Variants in SLC44A5 observed in about 807,000 individuals in gnomAD.
SLC44A5 encodes solute carrier family 44 member 5.
Under a neutral mutation model 101.8 loss-of-function variants are expected in SLC44A5, and 57 were observed. The ratio of observed to expected loss-of-function variants is 0.56; its 90% CI spans 0.45 to 0.70. The LOEUF (loss-of-function observed/expected upper bound fraction) is 0.70. Among genes scored for constraint, SLC44A5 ranks in the 30% least tolerant of loss-of-function variants. The pLI, the probability that SLC44A5 is intolerant of heterozygous loss-of-function variation, is 0.00. For missense variants in SLC44A5, 737 were observed against 853.1 expected (o/e 0.86, Z 1.70); for synonymous variants, 281 against 290.9 (o/e 0.97, Z 0.35).
intron 23 of SLC44A5, among the ~76,000 whole-genome samples, chr1:75,208,213 C>T (rs1646785780): frequency 6.6e-6 from 1 of 152,164 alleles, no homozygotes; most frequent in African/African-American, 2.4e-5. Context: ...GCCTGGAGTG[C>T]AGTGGCGTGA....
chr1:75,232,289 T>C (rs1647645722), intron 12 of SLC44A5, among the ~76,000 whole-genome samples: 1 of 152,162 alleles, frequency 6.6e-6, no homozygotes, highest in African/African-American at 2.4e-5. Flanking sequence ...TTCTTGCTAC[T>C]TAAGACATCA....
At chr1:75,633,305 T>C in the SLC44A5 span, among the ~76,000 whole-genome samples, 4 of 152,144 alleles carry the variant, frequency 2.6e-5, no homozygotes, top group Non-Finnish European at 4.4e-5. Flanking sequence ...ATAAATTACC[T>C]TGGGCAGTAT....
chr1:75,668,266 T>C, the SLC44A5 span, among the ~76,000 whole-genome samples: 1 of 151,196 alleles, frequency 6.6e-6, no homozygotes, highest in African/African-American at 2.4e-5. Context: ...GTTATAATTA[T>C]ATTCCTTGGG....
intron 3 of SLC44A5, among the ~76,000 whole-genome samples, chr1:75,385,657 G>A (rs940007141): frequency 2.6e-5 from 4 of 152,084 alleles, no homozygotes; most frequent in African/African-American, 9.7e-5. Context: ...CATTCCTTCT[G>A]AAATTATTCC....
At chr1:75,576,767 T>C (rs769490191) in intron 1 of SLC44A5, among the ~76,000 whole-genome samples, 9 of 152,168 alleles carry the variant, frequency 5.9e-5, no homozygotes, top group Non-Finnish European at 1.0e-4. Context: ...CTCATGGTGC[T>C]TAGAAGCAGG....
At chr1:75,404,835 C>T (rs1384838420) in intron 2 of SLC44A5, among the ~76,000 whole-genome samples, 2 of 152,178 alleles carry the variant, frequency 1.3e-5, no homozygotes, top group Non-Finnish European at 2.9e-5. Flanking sequence ...GGATCAAATT[C>T]ACACATAACA....
intron 2 of SLC44A5, among the ~76,000 whole-genome samples, chr1:75,494,270 C>A (rs987964089): frequency 4.6e-5 from 7 of 152,128 alleles, no homozygotes; most frequent in Admixed American, 2.6e-4. Context: ...TATAAATTAC[C>A]CAGTCTCAGC....
At chr1:75,632,442 C>T in the SLC44A5 span, among the ~76,000 whole-genome samples, 1 of 152,074 alleles carries the variant, frequency 6.6e-6, no homozygotes, top group Non-Finnish European at 1.5e-5. Flanking sequence ...AAGGATCATC[C>T]TGAAATGTTA....
intron 6 of SLC44A5, among the ~76,000 whole-genome samples, chr1:75,259,722 C>T (rs1033084940): frequency 1.3e-5 from 2 of 152,014 alleles, no homozygotes; most frequent in African/African-American, 4.8e-5. Flanking sequence ...ACAAGACACA[C>T]AATCATCAGA....
the SLC44A5 span, among the ~76,000 whole-genome samples, chr1:75,713,421 T>C: frequency 1.3e-5 from 2 of 152,194 alleles, no homozygotes; most frequent in Non-Finnish European, 2.9e-5. Context: ...CTCAGGAATA[T>C]ATGACTACAT....
chr1:75,325,316 C>T (rs1381271364), intron 4 of SLC44A5, among the ~76,000 whole-genome samples: 2 of 152,042 alleles, frequency 1.3e-5, no homozygotes, highest in Non-Finnish European at 2.9e-5. Flanking sequence ...TTTCTCAAGA[C>T]CTTTCTTTAA....
chr1:75,268,504 G>T (rs1429930923), intron 6 of SLC44A5, among the ~76,000 whole-genome samples: 2 of 152,048 alleles, frequency 1.3e-5, no homozygotes, highest in Non-Finnish European at 2.9e-5. Flanking sequence ...CAGGTAGCTT[G>T]TTCATTTGTT....
chr1:75,516,465 G>A (rs1049634866), intron 2 of SLC44A5, among the ~76,000 whole-genome samples: 3 of 151,968 alleles, frequency 2.0e-5, no homozygotes, highest in African/African-American at 4.8e-5. Flanking sequence ...TGCAGTGAGC[G>A]GAGATCGCAC....
intron 2 of SLC44A5, among the ~76,000 whole-genome samples, chr1:75,495,117 G>A (rs931513155): frequency 3.3e-5 from 5 of 152,118 alleles, no homozygotes; most frequent in African/African-American, 9.7e-5. Context: ...CAAGATACTT[G>A]ACCTAATGAA....
chr1:75,484,581 C>T (rs1164301956), intron 2 of SLC44A5, among the ~76,000 whole-genome samples: 3 of 152,186 alleles, frequency 2.0e-5, no homozygotes, highest in African/African-American at 7.2e-5. Flanking sequence ...CAGTGCAAGC[C>T]GTTGGTGTAT....
the SLC44A5 span, among the ~76,000 whole-genome samples, chr1:75,689,369 G>A: frequency 6.6e-6 from 1 of 152,130 alleles, no homozygotes; most frequent in Non-Finnish European, 1.5e-5. Context: ...TACATCCCAA[G>A]CCTAGGAAAC....
rs71071941 is a variant in SLC44A5, at chr1:75,330,966, C to CT, written c.101+8615dup. ...AAACTCTTCTTGTAAAACTTTCTCT[C>CT]TTTTTTTTTTTTTTTTTGGCTTCTA... On this transcript the variant is annotated intron_variant, in intron 4 of 23. Coordinates refer to ENST00000370859, the MANE Select transcript of SLC44A5 (RefSeq NM_001130058.2). Among the ~76,000 whole-genome samples, 847 of 136,060 alleles carry CT rather than the reference C, an allele frequency of 6.2e-3. 5 individuals carry two copies. Among genetic ancestry groups the CT allele is most frequent in the African/African-American group, 0.015 (566 of 36,592 alleles). 89.3% of individuals were successfully genotyped at this position (136,060 alleles called of 152,430 possible). A position where few individuals can be genotyped will look rare whatever the true frequency, so the allele number is the denominator to read the frequency against.
chr1:75,504,144 AAAGTT>A (rs1299981998), intron 2 of SLC44A5, among the ~76,000 whole-genome samples: 1 of 152,188 alleles, frequency 6.6e-6, no homozygotes, highest in African/African-American at 2.4e-5. Context: ...TGTGTGTCAT[AAAGTT>A]ATCTTAAAAT....
chr1:75,695,789 C>T, the SLC44A5 span, among the ~76,000 whole-genome samples: 3 of 147,456 alleles, frequency 2.0e-5, no homozygotes, highest in South Asian at 2.1e-4. Context: ...ATTCATGATA[C>T]TATGTATACT....
Sources: allele counts gnomAD v4.1 joint callset (sites outside exome capture counted in the v4.1 genomes callset), GRCh38; gene constraint gnomAD v4.1.1; transcripts MANE v1.5; gene names NCBI Gene and HGNC (gene_info 2026-07-23, HGNC 2026-07-21).